Variants in LPAR2 observed in about 807,000 individuals in gnomAD.
LPAR2 encodes G protein-coupled receptor.
Under a neutral mutation model 15.6 loss-of-function variants are expected in LPAR2, and 10 were observed. The ratio of observed to expected loss-of-function variants is 0.64; its 90% confidence interval spans 0.39 to 1.09. The LOEUF (loss-of-function observed/expected upper bound fraction) is 1.09. Ranked by LOEUF, LPAR2 falls within the 50% of genes least tolerant of loss-of-function variation. The pLI, the probability that LPAR2 is intolerant of heterozygous loss-of-function variation, is 0.01. For synonymous variants in LPAR2, 204 were observed against 207.4 expected (o/e 0.98, Z 0.14); for missense variants, 413 against 484.6 (o/e 0.85, Z 1.39).
chr19:19,624,645 A>G (rs956037485), intron 2 of LPAR2, 76 bp from the exon 3 acceptor site: 11 of 1,241,702 alleles, frequency 8.9e-6, no homozygotes, highest in Non-Finnish European at 1.1e-5. Context: ...TTGGGGTTGG[A>G]GTGGTCTCCA....
chr19:19,624,356 G>GTC lies in LPAR2; in HGVS notation c.955_956insGA (p.Thr319ArgfsTer29). On this transcript the variant is annotated frameshift_variant, in exon 3 of 3. Coordinates refer to ENST00000407877, the MANE Select transcript of LPAR2 (RefSeq NM_004720.7). LOFTEE classifies it low-confidence loss of function (END_TRUNC). ...GGATGTATAGTGGACAGACTCGCGG[G>GTC]TGGACTGGCGGAGGCACGCGCAGCA... 6.2e-7 allele frequency: 1 copy of GTC among 1,614,258 alleles called. No individual in the cohort carries two copies. Among genetic ancestry groups the GTC allele is most frequent in the Non-Finnish European group, 8.5e-7 (1 of 1,180,050 alleles).
At position 19,626,618 on chromosome 19, in the gene LPAR2, C is replaced by A. The variant is rs2061741198; in HGVS notation, c.667G>T (p.Ala223Ser). 1.2e-6 allele frequency: 2 copies of A among 1,613,288 alleles called. No homozygotes were observed. The highest frequency in any genetic ancestry group is 2.2e-5 in the South Asian group (2 of 91,086). Residue 223 changes from alanine to serine, a missense_variant, in exon 2 of 3, where the codon GCA becomes TCA. Transcript: ENST00000407877. This position sits in a 1 kb window ranked among gnomAD's most constrained non-coding sequence, Gnocchi z 5.3. ...CGGGGGTGGCAGCTGACATGCTCTG[C>A]CATGCGCTGCACTCGCCGCCGCACG...
At position 19,624,354 on chromosome 19, in the gene LPAR2, G is replaced by A. The variant is rs144007983; in HGVS notation, c.958C>T (p.Arg320Cys). 43 of 1,614,098 alleles carry A rather than the reference G, an allele frequency of 2.7e-5. No homozygotes were observed. Among genetic ancestry groups the A allele is most frequent in the African/African-American group, 1.1e-4 (8 of 74,932 alleles). ...GAGGATGTATAGTGGACAGACTCGC[G>A]GGTGGACTGGCGGAGGCACGCGCAG... The change falls in exon 3 of 3, where the codon CGC becomes TGC. Residue 320 changes from arginine (R) to cysteine (C), a missense_variant. Arg to Cys is a radical substitution (Grantham distance 180, BLOSUM62 -3). Coordinates refer to ENST00000407877, the MANE Select transcript of LPAR2 (RefSeq NM_004720.7).
intron 2 of LPAR2, among the ~76,000 whole-genome samples, chr19:19,625,792 A>G (rs2061737010): frequency 6.6e-6 from 1 of 151,506 alleles, no homozygotes; most frequent in Non-Finnish European, 1.5e-5. Flanking sequence ...CAAAAAAAAA[A>G]AAAAAAAATT....
At chr19:19,624,789 TTGTGTGTGTGTGTGTGTGTG>T (rs142248281) in intron 2 of LPAR2, among the ~76,000 whole-genome samples, 3 of 143,696 alleles carry the variant, frequency 2.1e-5, no homozygotes, top group South Asian at 2.3e-4. Flanking sequence ...ACTGGACATT[TTGTGTGTGTGTGTGTGTGTG>T]TGTGTGTGTG....
Position 19,626,416 on chromosome 19 carries a change from A to T in LPAR2, c.742+127T>A. 3 of 1,196,040 alleles carry T rather than the reference A, an allele frequency of 2.5e-6. No homozygotes were observed. The highest frequency in any genetic ancestry group is 3.6e-6 in the Non-Finnish European group (3 of 843,586). 74.1% of individuals were successfully genotyped at this position (1,196,040 alleles called of 1,614,324 possible). ...ACATACATTATCACCTCCTTGGAGGACATTCCCCACCTAAATCATCCCCCA... is the reference window on the plus strand; with the variant it reads ...ACATACATTATCACCTCCTTGGAGGTCATTCCCCACCTAAATCATCCCCCA... On this transcript the variant is annotated intron_variant, in intron 2 of 2. Coordinates refer to ENST00000407877, the MANE Select transcript of LPAR2 (RefSeq NM_004720.7). This position sits in a 1 kb window ranked among gnomAD's most constrained non-coding sequence, Gnocchi z 5.3.
Position 19,626,952 on chromosome 19 carries a change from C to T in LPAR2, c.333G>A (p.Leu111=), listed in dbSNP as rs1213590938. The T allele has an allele frequency of 1.9e-6, 3 of 1,609,506 alleles. No individual in the cohort carries two copies. The highest frequency in any genetic ancestry group is 8.5e-7 in the Non-Finnish European group (1 of 1,178,458). The change falls in exon 2 of 3, where the codon CTG becomes CTA. Residue 111 remains leucine (L), a synonymous_variant. Transcript: ENST00000407877. The surrounding 1 kb of genome is among the most constrained non-coding windows in gnomAD (Gnocchi z 5.3). The stretch of plus-strand genomic sequence containing the variant: ...CCACCGACGCAGTGAGGCTTGTGTC[C>T]AGCAAGCCCTGCCGCAGGAACCAGC...
chr19:19,626,834 T>C lies in LPAR2; in HGVS notation c.451A>G (p.Ile151Val). Residue 151 changes from isoleucine to valine, a missense_variant, in exon 2 of 3, where the codon ATT (isoleucine) becomes GTT (valine). Transcript: ENST00000407877. This position sits in a 1 kb window ranked among gnomAD's most constrained non-coding sequence, Gnocchi z 5.3. ...AGGGCAGCCACCCACACGCCCACAA[T>C]GAGCATGACCACGCGGCCACGGGGC... 2 of 1,596,668 alleles carry C rather than the reference T, an allele frequency of 1.3e-6. No homozygotes were observed. Among genetic ancestry groups the C allele is most frequent in the Non-Finnish European group, 1.7e-6 (2 of 1,172,290 alleles).
chr19:19,627,654 T>G lies in LPAR2; in HGVS notation c.1-370A>C. 2 of 279,180 alleles carry G rather than the reference T, an allele frequency of 7.2e-6. No individual in the cohort carries two copies. Among genetic ancestry groups the G allele is most frequent in the Non-Finnish European group, 7.0e-6 (1 of 142,680 alleles). The allele number at this position is 279,180 out of a possible 1,614,324, so 17.3% of individuals were successfully genotyped here. A position where few individuals can be genotyped will look rare whatever the true frequency, so the allele number is the denominator to read the frequency against. On this transcript the variant is annotated intron_variant, in intron 1 of 2. Transcript: ENST00000407877. The surrounding 1 kb of genome is among the most constrained non-coding windows in gnomAD (Gnocchi z 4.7). The stretch of plus-strand genomic sequence containing the variant: ...AGGGTTAGGGAAAGACAAAGGGGTG[T>G]GAGCTGCGGGAAGAGATGAGGGAGG...
In LPAR2 at chr19:19,626,395, A is replaced by T; in HGVS notation, c.742+148T>A. ...TCAGCATTCAGGCCTCTGCTCACAT[A>T]CATTATCACCTCCTTGGAGGACATT... On this transcript the variant is annotated intron_variant, in intron 2 of 2. Transcript: ENST00000407877. The surrounding 1 kb of genome is among the most constrained non-coding windows in gnomAD (Gnocchi z 5.3). 1.9e-6 allele frequency: 2 copies of T among 1,028,586 alleles called. No individual in the cohort carries two copies. The highest frequency in any genetic ancestry group is 2.9e-6 in the Non-Finnish European group (2 of 692,922). 63.7% of individuals were successfully genotyped at this position (1,028,586 alleles called of 1,614,324 possible).
chr19:19,623,658 T>C lies in LPAR2; in HGVS notation c.*598A>G, dbSNP rs1599391615. ...ACTGAATTGATAACAACAAATGTTT[T>C]GGAGACCTCAGAGTGTAAAGAAAGG... is the stretch of plus-strand genomic sequence containing the variant. On this transcript the variant is annotated 3_prime_UTR_variant, in exon 3 of 3. Transcript: ENST00000407877. 6.5e-6 allele frequency: 1 copy of C among 152,726 alleles called. No individual in the cohort carries two copies. The highest frequency in any genetic ancestry group is 1.9e-4 in the East Asian group (1 of 5,192). The allele number at this position is 152,726 out of a possible 1,614,324, so 9.5% of individuals were successfully genotyped here. A position where few individuals can be genotyped will look rare whatever the true frequency, so the allele number is the denominator to read the frequency against.
chr19:19,627,726 G>T lies in LPAR2; in HGVS notation c.-1+366C>A. 1 of 197,322 alleles carries T rather than the reference G, an allele frequency of 5.1e-6. No individual in the cohort carries two copies. 12.2% of individuals were successfully genotyped at this position (197,322 alleles called of 1,614,324 possible). ...GTGTAGGGAGCAGAGACCCGGGAGC[G>T]TGTGCACACAAGGGTGAGGTCACTT... On this transcript the variant is annotated intron_variant, in intron 1 of 2. Transcript: ENST00000407877. The surrounding 1 kb of genome is among the most constrained non-coding windows in gnomAD (Gnocchi z 4.7).
rs2061742217 is a variant in LPAR2 at position 19,626,732 on chromosome 19, G to A, written c.553C>T (p.Leu185Phe). Residue 185 changes from leucine to phenylalanine, a missense_variant, in exon 2 of 3, where the codon CTC (leucine) becomes TTC (phenylalanine). Transcript: ENST00000407877. The surrounding 1 kb of genome is among the most constrained non-coding windows in gnomAD (Gnocchi z 5.3). ...CAGACGGCCAAATAGGAGCGGCTGA[G>A]CAGGGGTGCCATGCGTGAGCAGCGG... The A allele has an allele frequency of 1.2e-6, 2 of 1,613,358 alleles. No individual in the cohort carries two copies. The highest frequency in any genetic ancestry group is 1.7e-6 in the Non-Finnish European group (2 of 1,179,962).
chr19:19,627,060 G>A lies in LPAR2; in HGVS notation c.225C>T (p.Ala75=). ...CCACGCCCGCGAAGAGGTCAGCCGC[G>A]GCCAGATTGCCGAGCAGGTAGTAGA... is the stretch of plus-strand genomic sequence containing the variant. Residue 75 remains alanine, a synonymous_variant, in exon 2 of 3, where the codon GCC becomes GCT. Transcript: ENST00000407877. This position sits in a 1 kb window ranked among gnomAD's most constrained non-coding sequence, Gnocchi z 4.7. The A allele has an allele frequency of 2.5e-6, 4 of 1,613,678 alleles. No individual in the cohort carries two copies. The highest frequency in any genetic ancestry group is 2.2e-5 in the East Asian group (1 of 44,872).
At chr19:19,625,925 C>T (rs2061737674) in intron 2 of LPAR2, among the ~76,000 whole-genome samples, 1 of 147,398 alleles carries the variant, frequency 6.8e-6, no homozygotes, top group Non-Finnish European at 1.5e-5. Context: ...CTCTTGTTGC[C>T]CAGGCTGGAG....
chr19:19,627,365 G>T lies in LPAR2; in HGVS notation c.1-81C>A. The T allele has an allele frequency of 7.1e-7, 1 of 1,398,622 alleles. No homozygotes were observed. Among genetic ancestry groups the T allele is most frequent in the South Asian group, 1.3e-5 (1 of 77,596 alleles). 86.6% of individuals were successfully genotyped at this position (1,398,622 alleles called of 1,614,324 possible). A position where few individuals can be genotyped will look rare whatever the true frequency, so the allele number is the denominator to read the frequency against. ...GCGGCAGCTGCAGAGGAGGGTCAGC[G>T]CAGGAAGGACAAGGGTCTCAAATTC... On this transcript the variant is annotated intron_variant, in intron 1 of 2. Transcript: ENST00000407877. The surrounding 1 kb of genome is among the most constrained non-coding windows in gnomAD (Gnocchi z 4.7).
Position 19,624,511 on chromosome 19 carries a change from G to A in LPAR2, c.801C>T (p.Gly267=). The change falls in exon 3 of 3, where the codon GGC becomes GGT. Residue 267 remains glycine (G), a synonymous_variant. Coordinates refer to ENST00000407877, the MANE Select transcript of LPAR2 (RefSeq NM_004720.7). ...CAGCCAGGACATTGCAGGACTCACA[G>A]CCTAAACCATCCAGGAGCAGTACCA... 2 of 1,613,910 alleles carry A rather than the reference G, an allele frequency of 1.2e-6. No homozygotes were observed. Among genetic ancestry groups the A allele is most frequent in the Non-Finnish European group, 1.7e-6 (2 of 1,179,926 alleles).
rs2061748624 is a variant in LPAR2 at position 19,627,542 on chromosome 19, A to G, written c.1-258T>C. On this transcript the variant is annotated intron_variant, in intron 1 of 2. Coordinates refer to ENST00000407877, the MANE Select transcript of LPAR2 (RefSeq NM_004720.7). The surrounding 1 kb of genome is among the most constrained non-coding windows in gnomAD (Gnocchi z 4.7). The stretch of plus-strand genomic sequence containing the variant: ...CATCACCCAAGTCAATAGGTTTTTG[A>G]ACCAGAAGTGAAACAAAACCCATCT... The G allele has an allele frequency of 2.1e-6, 1 of 479,156 alleles. No individual in the cohort carries two copies. The highest frequency in any genetic ancestry group is 2.5e-5 in the South Asian group (1 of 39,308). 29.7% of individuals were successfully genotyped at this position (479,156 alleles called of 1,614,324 possible).
rs765674822 is a variant in LPAR2, at chr19:19,627,607, C to A, written c.1-323G>T. The A allele has an allele frequency of 2.9e-6, 1 of 342,174 alleles. No homozygotes were observed. The highest frequency in any genetic ancestry group is 5.5e-6 in the Non-Finnish European group (1 of 180,446). 21.2% of individuals were successfully genotyped at this position (342,174 alleles called of 1,614,324 possible). A position where few individuals can be genotyped will look rare whatever the true frequency, so the allele number is the denominator to read the frequency against. ...GCCCACCTGCCGCCAATGTGTGACC[C>A]GGTTTGGGTTGTGGGGAGAGGAGGG... On this transcript the variant is annotated intron_variant, in intron 1 of 2. Coordinates refer to ENST00000407877, the MANE Select transcript of LPAR2 (RefSeq NM_004720.7). This position sits in a 1 kb window ranked among gnomAD's most constrained non-coding sequence, Gnocchi z 4.7.
Sources: gnomAD v4.1 joint callset for allele counts (sites outside exome capture counted in the v4.1 genomes callset) on GRCh38, gnomAD v4.1.1 for gene constraint, Gnocchi (gnomAD v3.1) non-coding constraint, MANE v1.5 for transcripts, NCBI Gene and HGNC (gene_info 2026-07-23, HGNC 2026-07-21) for gene names.